The following ZFHX3 variants were observed in gnomAD, a reference collection of about 807,000 sequenced individuals.
ZFHX3 encodes zinc finger homeobox 3.
ZFHX3 carries 42 observed loss-of-function variants against 279.1 expected under a neutral mutation model. That is an observed-to-expected ratio of 0.15 (90% CI 0.12 to 0.19). The LOEUF (loss-of-function observed/expected upper bound fraction) is 0.19. Ranked by LOEUF, ZFHX3 falls within the 10% of genes least tolerant of loss-of-function variation. ZFHX3 has a pLI of 1.00. For synonymous variants in ZFHX3, 2,293 were observed against 1,957.8 expected, an observed-to-expected ratio of 1.17 and a Z score of -4.52; for missense variants, 4,981 against 4,754.0, an observed-to-expected ratio of 1.05 and a Z score of -1.40.
chr16:73,499,352 C>G (rs1332537316), intron 2 of ZFHX3: 1 of 152,212 alleles, frequency 6.6e-6, no homozygotes. Context: ...AATTAGTGCA[C>G]TTGGGTTTGA....
intron 3 of ZFHX3, among the ~76,000 whole-genome samples, chr16:72,945,320 T>A (rs1328220917): frequency 6.6e-6 from 1 of 152,148 alleles, no homozygotes; most frequent in Non-Finnish European, 1.5e-5. Flanking sequence ...AACTATTTGG[T>A]CTTTCCATCT....
intron 5 of ZFHX3, among the ~76,000 whole-genome samples, chr16:72,824,888 A>G (rs1426703428): frequency 6.6e-6 from 1 of 152,238 alleles, no homozygotes; most frequent in Non-Finnish European, 1.5e-5. Context: ...GGTCATTTTC[A>G]TGTTTCAAAA....
chr16:72,868,642 T>C (rs1213720357), intron 4 of ZFHX3, among the ~76,000 whole-genome samples: 4 of 152,254 alleles, frequency 2.6e-5, no homozygotes, highest in Non-Finnish European at 4.4e-5. Context: ...CTACATCCCA[T>C]GACCTTTATA....
chr16:72,817,548 C>T (rs1423189313), intron 5 of ZFHX3, among the ~76,000 whole-genome samples: 1 of 152,204 alleles, frequency 6.6e-6, no homozygotes, highest in Non-Finnish European at 1.5e-5. Context: ...GTTTCCTAAG[C>T]AAAATTCATC....
chr16:72,929,676 C>T (rs140786782), intron 3 of ZFHX3, among the ~76,000 whole-genome samples: 4 of 152,226 alleles, frequency 2.6e-5, no homozygotes, highest in African/African-American at 9.6e-5. Flanking sequence ...GGGCCCTCCA[C>T]GCAAGCTGGC....
intron 7 of ZFHX3, among the ~76,000 whole-genome samples, chr16:72,804,219 G>A (rs989546092): frequency 1.3e-5 from 2 of 152,180 alleles, no homozygotes; most frequent in Non-Finnish European, 2.9e-5. Context: ...CAGTTGAAAA[G>A]GAGTAGCCTT....
At chr16:72,953,148 G>A (rs186418467) in intron 2 of ZFHX3, among the ~76,000 whole-genome samples, 59 of 152,298 alleles carry the variant, frequency 3.9e-4, no homozygotes, top group Admixed American at 3.8e-3. Flanking sequence ...CTCACGGACA[G>A]TCTAGCAAGC....
chr16:72,824,758 T>G (rs968944649), intron 5 of ZFHX3, among the ~76,000 whole-genome samples: 2 of 152,246 alleles, frequency 1.3e-5, no homozygotes, highest in African/African-American at 4.8e-5. Context: ...ATCACTTAAC[T>G]TATTGCAAAT....
intron 1 of ZFHX3, among the ~76,000 whole-genome samples, chr16:73,886,878 C>T (rs1370713880): frequency 6.6e-6 from 1 of 152,180 alleles, no homozygotes; most frequent in Non-Finnish European, 1.5e-5. Context: ...TATAAATGTC[C>T]TAGCTGAAGG....
At chr16:73,802,313 C>A (rs1050408131) in intron 1 of ZFHX3, among the ~76,000 whole-genome samples, 5 of 152,178 alleles carry the variant, frequency 3.3e-5, no homozygotes, top group African/African-American at 1.2e-4. Flanking sequence ...TGTGACTCCA[C>A]AGGGAAGGGA....
At chr16:72,874,146 C>G (rs745840451) in intron 4 of ZFHX3, among the ~76,000 whole-genome samples, 1 of 150,726 alleles carries the variant, frequency 6.6e-6, no homozygotes, top group African/African-American at 2.4e-5. Flanking sequence ...GACGCATGCA[C>G]TCTCACCAGC....
intron 1 of ZFHX3, among the ~76,000 whole-genome samples, chr16:72,960,964 G>T (rs911243212): frequency 1.3e-5 from 2 of 152,016 alleles, no homozygotes; most frequent in African/African-American, 4.8e-5. Flanking sequence ...GAAAAGATGG[G>T]TCCCCAGATT....
chr16:73,704,633 G>T (rs1394965081), intron 1 of ZFHX3, among the ~76,000 whole-genome samples: 1 of 152,120 alleles, frequency 6.6e-6, no homozygotes, highest in Admixed American at 6.5e-5. Flanking sequence ...TCTTAATTTT[G>T]GTTGTTCCAG....
intron 1 of ZFHX3, among the ~76,000 whole-genome samples, chr16:73,040,441 A>G (rs1254939863): frequency 6.6e-6 from 1 of 152,176 alleles, no homozygotes; most frequent in Non-Finnish European, 1.5e-5. Context: ...AAGCCAGGAC[A>G]AGTCAGGCCT....
intron 5 of ZFHX3, among the ~76,000 whole-genome samples, chr16:73,147,628 C>A (rs1242842533): frequency 7.5e-6 from 1 of 132,456 alleles, no homozygotes; most frequent in African/African-American, 2.8e-5. Flanking sequence ...GGAGGCGGAG[C>A]TTGCAGTGAG....
chr16:73,093,871 C>G (rs1966123016), intron 7 of ZFHX3: 2 of 289,746 alleles, frequency 6.9e-6, no homozygotes, highest in African/African-American at 4.4e-5. Context: ...CTTAGAAAAA[C>G]AAGCTACTAA....
intron 2 of ZFHX3, among the ~76,000 whole-genome samples, chr16:73,459,538 A>C (rs1834012): frequency 6.6e-6 from 1 of 151,836 alleles, no homozygotes; most frequent in Non-Finnish European, 1.5e-5. Flanking sequence ...ATTTTTGTAA[A>C]TTTTTTTTAA....
intron 1 of ZFHX3, among the ~76,000 whole-genome samples, chr16:73,836,477 C>G (rs2142363991): frequency 6.6e-6 from 1 of 152,254 alleles, no homozygotes; most frequent in Non-Finnish European, 1.5e-5. Context: ...TGAGTCATTT[C>G]ATAAACACGT....
chr16:72,946,070 G>A (rs887100856), intron 3 of ZFHX3, among the ~76,000 whole-genome samples: 1 of 152,134 alleles, frequency 6.6e-6, no homozygotes, highest in Non-Finnish European at 1.5e-5. Flanking sequence ...TATGCATCAG[G>A]GAAAGAACTG....
Sources: allele counts gnomAD v4.1 joint callset (sites outside exome capture counted in the v4.1 genomes callset), GRCh38; gene constraint gnomAD v4.1.1; transcripts MANE v1.5; gene names NCBI Gene and HGNC (gene_info 2026-07-23, HGNC 2026-07-21).